Variants in RHBDD3 observed in about 807,000 individuals in gnomAD.
RHBDD3 encodes the protein rhomboid domain containing 3, also known as rhomboid domain-containing protein 3.
Under a neutral mutation model 32.3 loss-of-function variants are expected in RHBDD3, and 34 were observed. The ratio of observed to expected loss-of-function variants is 1.05; its 90% CI spans 0.80 to 1.40. The LOEUF is 1.40. Among genes scored for constraint, RHBDD3 ranks in the 40% most tolerant of loss-of-function variants. The pLI, the probability that RHBDD3 is intolerant of heterozygous loss-of-function variation, is 0.00. For synonymous variants in RHBDD3, 249 were observed against 239.1 expected (o/e 1.04, Z -0.38); for missense variants, 482 against 492.6 (o/e 0.98, Z 0.20).
At chr22:29,262,330 G>A (rs1245173765) in intron 4 of RHBDD3, among the ~76,000 whole-genome samples, 1 of 151,694 alleles carries the variant, frequency 6.6e-6, no homozygotes, top group African/African-American at 2.4e-5. Flanking sequence ...GTAGAGATGG[G>A]GTTTCACCAT....
rs1253752621 is a variant in RHBDD3 at position 29,264,270 on chromosome 22, G to A, written c.149-52C>T. The A allele has an allele frequency of 2.7e-6, 4 of 1,471,220 alleles. No individual in the cohort carries two copies. In the Admixed American group the frequency reaches 7.7e-5, roughly 28 times the overall value. 91.1% of individuals were successfully genotyped at this position (1,471,220 alleles called of 1,614,324 possible). ...CAGGTTAGTGGCCCCAACATCCAAG[G>A]CTGTCCCAGGTGTGCCAGGTTGAAG... On this transcript the variant is annotated intron_variant, in intron 3 of 6. Coordinates refer to ENST00000216085, the MANE Select transcript of RHBDD3 (RefSeq NM_012265.3).
Position 29,264,214 on chromosome 22 carries a change from G to A in RHBDD3, c.153C>T (p.His51=), listed in dbSNP as rs1210365186. 1.3e-6 allele frequency: 2 copies of A among 1,531,348 alleles called. No individual in the cohort carries two copies. The highest frequency in any genetic ancestry group is 1.8e-6 in the Non-Finnish European group (2 of 1,140,542). The allele number at this position is 1,531,348 out of a possible 1,614,324, so 94.9% of individuals were successfully genotyped here. Residue 51 remains histidine (H), a synonymous_variant, in exon 4 of 7, where the codon CAC becomes CAT. Coordinates refer to ENST00000216085, the MANE Select transcript of RHBDD3 (RefSeq NM_012265.3). ...PELLLDPWQV[H]RLLTHALGHT... ...GGCCCAGGGCATGGGTCAGCAGCCGGTGCACTGGGAGAGAGAAGGGGCTTA... is the reference window on the plus strand; with the variant it reads ...GGCCCAGGGCATGGGTCAGCAGCCGATGCACTGGGAGAGAGAAGGGGCTTA...
Position 29,260,858 on chromosome 22 carries a change from G to T in RHBDD3, c.539C>A (p.Ala180Asp). 6.3e-7 allele frequency: 1 copy of T among 1,584,506 alleles called. No homozygotes were observed. ...CGLLAGLAYA[A>D]GAFRWLEPSE... ...GGGTTCCAGCCACCGGAAGGCCCCA[G>T]CTGCATCTGTCTGCCCGGGGCAGGG... is the stretch of plus-strand genomic sequence containing the variant. Residue 180 changes from alanine to aspartate, a missense_variant, in exon 5 of 7, where the codon GCT (alanine) becomes GAT (aspartate). Physicochemically the swap from Ala to Asp is moderately radical, Grantham distance 126 (BLOSUM62 -2). Transcript: ENST00000216085.
intron 4 of RHBDD3, 57 bp downstream of exon 4, chr22:29,263,778 G>A: frequency 6.8e-7 from 1 of 1,460,078 alleles, no homozygotes; most frequent in Non-Finnish European, 9.1e-7. Context: ...TCCTTCCCAG[G>A]CACCCACCCA....
At chr22:29,267,289 A>G (rs1475555284) in intron 2 of RHBDD3, 137 bp downstream of exon 2, 1 of 152,496 alleles carries the variant, frequency 6.6e-6, no homozygotes, top group Non-Finnish European at 1.5e-5. Flanking sequence ...GACACCTCAC[A>G]ACCATTCCCC....
In RHBDD3 at chr22:29,265,607, T is replaced by C. The variant is rs370597437; in HGVS notation, c.20A>G (p.His7Arg). 5.0e-5 allele frequency: 80 copies of C among 1,589,426 alleles called. No homozygotes were observed. Among genetic ancestry groups the C allele is most frequent in the Admixed American group, 7.3e-5 (4 of 55,058 alleles). Residue 7 changes from histidine to arginine, a missense_variant, in exon 3 of 7, where the codon CAT (histidine) becomes CGT (arginine). Transcript: ENST00000216085. ...AGGCAGTGCTGGGGACAGTTGGCCA[T>C]GGGGGCCCCTGGCATGCATCGCTTG... Reference protein sequence around the residue: MHARGPHGQLSPALPLA... With the variant: MHARGPRGQLSPALPLA...
At position 29,263,721 on chromosome 22, in the gene RHBDD3, T is replaced by TGCAC. The variant is rs1464034029; in HGVS notation, c.532+110_532+113dup. The TGCAC allele has an allele frequency of 2.0e-5, 29 of 1,431,766 alleles. No individual in the cohort carries two copies. The East Asian group carries it at 7.1e-4, about 35-fold the overall frequency. 88.7% of individuals were successfully genotyped at this position (1,431,766 alleles called of 1,614,324 possible). On this transcript the variant is annotated intron_variant, in intron 4 of 6. Transcript: ENST00000216085. ...CTCAGAGAAGCTCCTGGAATGTGTG[T>TGCAC]GCACGGCTCCTTGGTATTGCTTGGG...
rs1042202133 is a variant in RHBDD3, at chr22:29,265,643, G to T, written c.-17C>A. On this transcript the variant is annotated 5_prime_UTR_variant, in exon 3 of 7. Coordinates refer to ENST00000216085, the MANE Select transcript of RHBDD3 (RefSeq NM_012265.3). ...GGCATGCATCGCTTGGTTGAGGACG[G>T]TCAAGGGTGGTCCTGGGGCTGTGTG... 6.4e-7 allele frequency: 1 copy of T among 1,571,662 alleles called. No homozygotes were observed. Among genetic ancestry groups the T allele is most frequent in the Non-Finnish European group, 8.6e-7 (1 of 1,165,216 alleles).
rs1405494443 is a variant in RHBDD3 at position 29,260,346 on chromosome 22, C to G, written c.963G>C (p.Lys321Asn). Reference protein sequence around the residue: ...QEPQSAPWLSKSSVSSLRLQQ... With the variant: ...QEPQSAPWLSNSSVSSLRLQQ... ...CTTACCGCAGAGAGGAGACAGAGGA[C>G]TTGGACAGCCATGGTGCGCTCTGGG... Residue 321 changes from lysine to asparagine, a missense_variant, in exon 6 of 7, where the codon AAG (lysine) becomes AAC (asparagine). Transcript: ENST00000216085. 1.2e-6 allele frequency: 2 copies of G among 1,609,958 alleles called. No individual in the cohort carries two copies. The highest frequency in any genetic ancestry group is 1.1e-5 in the South Asian group (1 of 90,514).
chr22:29,262,540 ATAT>A (rs949339669), intron 4 of RHBDD3, among the ~76,000 whole-genome samples: 4 of 152,074 alleles, frequency 2.6e-5, no homozygotes, highest in Admixed American at 6.5e-5. Flanking sequence ...TTACATTTCC[ATAT>A]TATTTTTAGG....
At position 29,260,783 on chromosome 22, in the gene RHBDD3, A is replaced by G; in HGVS notation, c.614T>C (p.Leu205Ser). ...VLQEGVLCRT[L>S]AGCWPLRLLA... ...GAGCCTCAGGGGCCAGCACCCCGCCAAGGTCCTGCACAAGACGCCCTCCTG... is the reference window on the plus strand; with the variant it reads ...GAGCCTCAGGGGCCAGCACCCCGCCGAGGTCCTGCACAAGACGCCCTCCTG... The change falls in exon 5 of 7, where the codon TTG (leucine) becomes TCG (serine). Residue 205 changes from leucine to serine, a missense_variant. Leu to Ser is a moderately radical substitution (Grantham distance 145). Transcript: ENST00000216085. 6.2e-7 allele frequency: 1 copy of G among 1,606,608 alleles called. No homozygotes were observed. The highest frequency in any genetic ancestry group is 8.5e-7 in the Non-Finnish European group (1 of 1,177,638).
At chr22:29,264,429 A>C in intron 3 of RHBDD3, 1 of 1,380,622 alleles carries the variant, frequency 7.2e-7, no homozygotes, top group Non-Finnish European at 9.4e-7. Context: ...CTGTGGTATT[A>C]AACAGAATAC....
rs568792296 is a variant in RHBDD3 at position 29,267,788 on chromosome 22, C to A, written c.-235G>T. 11 of 178,996 alleles carry A rather than the reference C, an allele frequency of 6.1e-5. No homozygotes were observed. The highest frequency in any genetic ancestry group is 4.3e-3 in the Middle Eastern group (2 of 466). 11.1% of individuals were successfully genotyped at this position (178,996 alleles called of 1,614,324 possible). On this transcript the variant is annotated 5_prime_UTR_variant, in exon 1 of 7. Transcript: ENST00000216085. ...GCAACCCCGAAAGGCCGGTCGGGGA[C>A]CCCGGCTGGGAGTCAGGACTCTAGC... is the stretch of plus-strand genomic sequence containing the variant.
chr22:29,268,070 C>T, upstream of RHBDD3: 1 of 581,286 alleles, frequency 1.7e-6, no homozygotes, highest in East Asian at 2.9e-5. Context: ...TCTCCGGTTT[C>T]ACGCTGAGAC....
chr22:29,263,377 C>A (rs1237912940), intron 4 of RHBDD3, among the ~76,000 whole-genome samples: 1 of 152,196 alleles, frequency 6.6e-6, no homozygotes, highest in Non-Finnish European at 1.5e-5. Context: ...TGGGGTTTCA[C>A]CATGTTGGCC....
chr22:29,263,876 G>T lies in RHBDD3; in HGVS notation c.491C>A (p.Pro164His), dbSNP rs998712946. 5.8e-6 allele frequency: 9 copies of T among 1,545,598 alleles called. No homozygotes were observed. Among genetic ancestry groups the T allele is most frequent in the Non-Finnish European group, 7.9e-6 (9 of 1,143,572 alleles). ...GAGGCCGCAAAGGAGCTGCAGGAAGGGTGGCTCAGAGCTGAGCAGTGGGGT... is the reference window on the plus strand; with the variant it reads ...GAGGCCGCAAAGGAGCTGCAGGAAGTGTGGCTCAGAGCTGAGCAGTGGGGT... ...ALTPLLSSEPPFLQLLCGLLA... is the reference protein window; with the variant it reads ...ALTPLLSSEPHFLQLLCGLLA... Residue 164 changes from proline (P) to histidine (H), a missense_variant, in exon 4 of 7, where the codon CCC becomes CAC. By Grantham distance (77) the Pro-to-His change is moderately conservative. Transcript: ENST00000216085.
intron 2 of RHBDD3, 32 bp from the exon 3 acceptor site, chr22:29,265,700 T>A: frequency 6.7e-7 from 1 of 1,496,562 alleles, no homozygotes. Context: ...AACAAGTTAT[T>A]ACTGGAGCTT....
At chr22:29,261,090 C>A (rs1183806020) in intron 4 of RHBDD3, 4 of 606,000 alleles carry the variant, frequency 6.6e-6, no homozygotes, top group Non-Finnish European at 1.2e-5. Flanking sequence ...GTATGCCTCA[C>A]CCCAAGGCCT....
At position 29,263,890 on chromosome 22, in the gene RHBDD3, G is replaced by C; in HGVS notation, c.477C>G (p.Leu159=). Residue 159 remains leucine, a synonymous_variant, in exon 4 of 7, where the codon CTC becomes CTG. Coordinates refer to ENST00000216085, the MANE Select transcript of RHBDD3 (RefSeq NM_012265.3). ...PWLLLALTPL[L]SSEPPFLQLL... is the part of the protein sequence containing the mutation. ...GCTGCAGGAAGGGTGGCTCAGAGCTGAGCAGTGGGGTCAGGGCAAGCAGCA... is the reference window on the plus strand; with the variant it reads ...GCTGCAGGAAGGGTGGCTCAGAGCTCAGCAGTGGGGTCAGGGCAAGCAGCA... 6.5e-7 allele frequency: 1 copy of C among 1,549,300 alleles called. No individual in the cohort carries two copies. Among genetic ancestry groups the C allele is most frequent in the African/African-American group, 1.4e-5 (1 of 73,230 alleles).
Sources: allele counts gnomAD v4.1 joint callset (sites outside exome capture counted in the v4.1 genomes callset), GRCh38; gene constraint gnomAD v4.1.1; transcripts MANE v1.5; gene names NCBI Gene and HGNC (gene_info 2026-07-23, HGNC 2026-07-21).